PSEN2: variants seen among roughly 807,000 people sequenced by gnomAD.
PSEN2 encodes the protein presenilin-2.
A neutral mutation model predicts 49.1 loss-of-function variants in PSEN2; 32 were observed. The observed-to-expected ratio is 0.65, with a 90% CI of 0.49 to 0.88. The LOEUF (loss-of-function observed/expected upper bound fraction) is 0.88. Among genes scored for constraint, PSEN2 ranks in the 40% least tolerant of loss-of-function variants. PSEN2 has a pLI of 0.00. For missense variants in PSEN2, 522 were observed against 586.9 expected, an observed-to-expected ratio of 0.89 and a Z score of 1.14; for synonymous variants, 255 against 244.0, an observed-to-expected ratio of 1.05 and a Z score of -0.42.
intron 8 of PSEN2, among the ~76,000 whole-genome samples, chr1:226,889,814 G>A (rs1054288869): frequency 7.9e-5 from 12 of 152,214 alleles, no homozygotes; most frequent in African/African-American, 2.4e-4. Flanking sequence ...ACCGCGTCTC[G>A]GGTGCACAGC....
chr1:226,886,681 C>G (rs971338881), intron 6 of PSEN2, among the ~76,000 whole-genome samples: 6 of 152,220 alleles, frequency 3.9e-5, no homozygotes, highest in African/African-American at 1.4e-4. Context: ...GTGCAGAGTG[C>G]CCAGGCTAGA....
At chr1:226,891,985 G>A in intron 11 of PSEN2, 141 bp downstream of exon 11, 1 of 729,772 alleles carries the variant, frequency 1.4e-6, no homozygotes, top group Non-Finnish European at 2.4e-6. Flanking sequence ...TGTGAAAGTA[G>A]AAGATGCCTG....
chr1:226,900,112 A>C (rs1195894744), downstream of PSEN2, among the ~76,000 whole-genome samples: 1 of 152,218 alleles, frequency 6.6e-6, no homozygotes, highest in Non-Finnish European at 1.5e-5. Context: ...GATCATGTGA[A>C]TCACAAGCTG....
intron 12 of PSEN2, among the ~76,000 whole-genome samples, chr1:226,895,141 G>C (rs1257244043): frequency 1.3e-5 from 2 of 152,216 alleles, no homozygotes; most frequent in African/African-American, 4.8e-5. Context: ...ACTCCAGCCA[G>C]ACAGGGGAGG....
chr1:226,878,351 A>C (rs1199443750), intron 3 of PSEN2, among the ~76,000 whole-genome samples: 1 of 152,062 alleles, frequency 6.6e-6, no homozygotes, highest in Non-Finnish European at 1.5e-5. Flanking sequence ...TGAGCACCGC[A>C]CCCAGCCCCA....
rs1459116279 is a variant in PSEN2 at position 226,895,311 on chromosome 1, C to A, written c.1192-113C>A. 6.5e-6 allele frequency: 8 copies of A among 1,232,072 alleles called. No individual in the cohort carries two copies. In the East Asian group the frequency reaches 2.0e-4, roughly 31 times the overall value. The allele number at this position is 1,232,072 out of a possible 1,614,324, so 76.3% of individuals were successfully genotyped here. A position where few individuals can be genotyped will look rare whatever the true frequency, so the allele number is the denominator to read the frequency against. ...GGGAAGATAATGGGGTGTCTAGCGC[C>A]GTTATCCGACTGGTCCTCGAACAAG... On this transcript the variant is annotated intron_variant, in intron 12 of 12. Coordinates refer to ENST00000366783, the MANE Select transcript of PSEN2 (RefSeq NM_000447.3).
At chr1:226,900,671 A>G (rs1365754866), downstream of PSEN2, among the ~76,000 whole-genome samples, 1 of 152,110 alleles carries the variant, frequency 6.6e-6, no homozygotes, top group African/African-American at 2.4e-5. Context: ...GCTGTGGGGA[A>G]GCTTTTAGGA....
At position 226,881,987 on chromosome 1, in the gene PSEN2, C is replaced by T. The variant is rs149354305; in HGVS notation, c.80C>T (p.Thr27Met). 2.7e-5 allele frequency: 44 copies of T among 1,614,078 alleles called. No individual in the cohort carries two copies. Among genetic ancestry groups the T allele is most frequent in the African/African-American group, 8.0e-5 (6 of 75,054 alleles). ...RTSLMSAESP[T>M]PRSCQEGRQG... ...TCCCTAATGTCGGCTGAGAGCCCCA[C>T]GCCGCGCTCCTGCCAGGAGGGCAGG... Residue 27 changes from threonine (T) to methionine (M), a missense_variant, in exon 4 of 13, where the codon ACG (threonine) becomes ATG (methionine). By Grantham distance (81) the Thr-to-Met change is moderately conservative. Coordinates refer to ENST00000366783, the MANE Select transcript of PSEN2 (RefSeq NM_000447.3).
At chr1:226,874,862 G>A (rs1028446226) in intron 2 of PSEN2, among the ~76,000 whole-genome samples, 1 of 152,200 alleles carries the variant, frequency 6.6e-6, no homozygotes, top group African/African-American at 2.4e-5. Context: ...AACCCTGTCA[G>A]TCTCCAAAGC....
At chr1:226,900,969 A>T (rs1662296724), downstream of PSEN2, among the ~76,000 whole-genome samples, 1 of 152,224 alleles carries the variant, frequency 6.6e-6, no homozygotes, top group Admixed American at 6.5e-5. Flanking sequence ...AGATGAGGAA[A>T]CTAAGGCACA....
chr1:226,880,545 A>AGACAGCGATCACTCACCCTCTG (rs1660910779), intron 3 of PSEN2: 1 of 1,098,134 alleles, frequency 9.1e-7, no homozygotes, highest in South Asian at 1.6e-5. Flanking sequence ...GCCTCTGGAC[A>AGACAGCGATCACTCACCCTCTG]GACAGCGATC....
At chr1:226,875,933 C>T (rs1401922480) in intron 3 of PSEN2, among the ~76,000 whole-genome samples, 1 of 152,352 alleles carries the variant, frequency 6.6e-6, no homozygotes, top group African/African-American at 2.4e-5. Context: ...AGCCTCAGCA[C>T]TTCCTTGTTG....
intron 12 of PSEN2, 68 bp downstream of exon 12, chr1:226,894,193 G>A (rs1661959966): frequency 1.8e-6 from 2 of 1,112,546 alleles, no homozygotes; most frequent in Non-Finnish European, 2.7e-6. Flanking sequence ...TGTGGTGGGG[G>A]CAGGTCTCAG....
chr1:226,889,266 T>C (rs1415893124), intron 8 of PSEN2, among the ~76,000 whole-genome samples: 1 of 151,770 alleles, frequency 6.6e-6, no homozygotes, highest in African/African-American at 2.4e-5. Context: ...CAGTAGTCAC[T>C]GAGCTCCTCA....
chr1:226,890,468 T>A (rs1465805810), intron 9 of PSEN2: 1 of 358,966 alleles, frequency 2.8e-6, no homozygotes, highest in Non-Finnish European at 5.4e-6. Context: ...TGGAGAGGGA[T>A]TCTTCAGGGC....
chr1:226,895,615 A>G lies in PSEN2; in HGVS notation c.*36A>G. The G allele has an allele frequency of 6.3e-7, 1 of 1,592,026 alleles. No homozygotes were observed. Among genetic ancestry groups the G allele is most frequent in the African/African-American group, 1.3e-5 (1 of 74,564 alleles). On this transcript the variant is annotated 3_prime_UTR_variant, in exon 13 of 13. Coordinates refer to ENST00000366783, the MANE Select transcript of PSEN2 (RefSeq NM_000447.3). ...GTGCCACAGGCTGCAAGCTGCAGGG[A>G]ATTTTCATTGGATGCAGTTGTATAG...
At chr1:226,891,407 C>A in intron 10 of PSEN2, 46 bp downstream of exon 10, 1 of 1,507,434 alleles carries the variant, frequency 6.6e-7, no homozygotes, top group Non-Finnish European at 9.1e-7. Context: ...TGGGGGGCAG[C>A]TCCCTACCTG....
intron 4 of PSEN2, 78 bp downstream of exon 4, chr1:226,882,126 C>T (rs990938233): frequency 6.4e-7 from 1 of 1,565,168 alleles, no homozygotes; most frequent in African/African-American, 1.4e-5. Context: ...ACCAGACATT[C>T]ATTCCCTGAT....
intron 8 of PSEN2, 128 bp downstream of exon 8, chr1:226,889,177 C>T (rs1661571891): frequency 1.2e-6 from 1 of 836,304 alleles, no homozygotes; most frequent in Non-Finnish European, 1.9e-6. Flanking sequence ...TGGGTGGGAT[C>T]CCTCCTGAGA....
Sources: allele counts gnomAD v4.1 joint callset (sites outside exome capture counted in the v4.1 genomes callset), GRCh38; gene constraint gnomAD v4.1.1; transcripts MANE v1.5; gene names NCBI Gene and HGNC (gene_info 2026-07-23, HGNC 2026-07-21).